MACROD2: variants seen among roughly 807,000 people sequenced by gnomAD.
MACROD2 encodes the protein mono-ADP ribosylhydrolase 2.
A neutral mutation model predicts 70.4 loss-of-function variants in MACROD2; 36 were observed. The observed-to-expected ratio is 0.51, with a 90% CI of 0.39 to 0.68. The LOEUF is 0.68. Ranked by LOEUF, MACROD2 falls within the 30% of genes least tolerant of loss-of-function variation. The pLI, the probability that MACROD2 is intolerant of heterozygous loss-of-function variation, is 0.00. For missense variants in MACROD2, 496 were observed against 538.4 expected (o/e 0.92, Z 0.78); for synonymous variants, 172 against 178.8 (o/e 0.96, Z 0.30).
intron 8 of MACROD2, among the ~76,000 whole-genome samples, chr20:15,744,923 CTT>C (rs1448081864): frequency 2.0e-5 from 3 of 147,096 alleles, no homozygotes; most frequent in South Asian, 2.1e-4. Context: ...AGTTGTATCT[CTT>C]TTTGAAGTGT....
chr20:15,366,838 C>T (rs994809898), intron 6 of MACROD2, among the ~76,000 whole-genome samples: 1 of 151,830 alleles, frequency 6.6e-6, no homozygotes, highest in Admixed American at 6.6e-5. Flanking sequence ...TGACATGAGC[C>T]ACCATGCCCA....
intron 6 of MACROD2, among the ~76,000 whole-genome samples, chr20:15,305,992 C>CTTA (rs1450364865): frequency 2.0e-5 from 3 of 152,174 alleles, no homozygotes; most frequent in African/African-American, 7.2e-5. Flanking sequence ...AGGACATTTT[C>CTTA]ATCTGCCTCA....
intron 3 of MACROD2, among the ~76,000 whole-genome samples, chr20:14,174,706 T>C (rs1007906438): frequency 6.6e-6 from 1 of 152,194 alleles, no homozygotes; most frequent in African/African-American, 2.4e-5. Flanking sequence ...GGAAGCTTTG[T>C]GTGCAGTTGA....
chr20:15,647,593 T>C (rs1431207395), intron 8 of MACROD2, among the ~76,000 whole-genome samples: 1 of 152,156 alleles, frequency 6.6e-6, no homozygotes, highest in African/African-American at 2.4e-5. Flanking sequence ...ATGTATAGCA[T>C]ACAAATGCAA....
chr20:14,673,199 C>T (rs1391504397), intron 4 of MACROD2, among the ~76,000 whole-genome samples: 3 of 152,120 alleles, frequency 2.0e-5, no homozygotes, highest in Non-Finnish European at 4.4e-5. Flanking sequence ...TGCGGAGGAG[C>T]GTGAGAGCAA....
At chr20:15,109,473 G>A (rs1005779070) in intron 5 of MACROD2, among the ~76,000 whole-genome samples, 6 of 152,250 alleles carry the variant, frequency 3.9e-5, no homozygotes, top group African/African-American at 1.4e-4. Flanking sequence ...TGTGGAAGAG[G>A]TAGGAAGCTA....
chr20:14,343,488 G>C (rs994193417), intron 3 of MACROD2, among the ~76,000 whole-genome samples: 2 of 152,186 alleles, frequency 1.3e-5, no homozygotes, highest in Non-Finnish European at 2.9e-5. Context: ...TACCAAGACT[G>C]AGTTGAAACC....
intron 4 of MACROD2, among the ~76,000 whole-genome samples, chr20:14,566,369 G>T (rs915087205): frequency 6.6e-5 from 10 of 151,850 alleles, no homozygotes; most frequent in African/African-American, 2.2e-4. Context: ...CTAGGCTTCT[G>T]TGTGTTATGA....
intron 3 of MACROD2, among the ~76,000 whole-genome samples, chr20:14,467,330 C>T (rs548070897): frequency 1.1e-4 from 17 of 152,110 alleles, no homozygotes; most frequent in South Asian, 4.1e-4. Flanking sequence ...TAGGACCCTC[C>T]GAGCCAGTTG....
intron 7 of MACROD2, among the ~76,000 whole-genome samples, chr20:15,453,805 C>A (rs112023139): frequency 2.0e-5 from 3 of 152,232 alleles, no homozygotes; most frequent in African/African-American, 7.2e-5. Context: ...GCCTACCCAG[C>A]AAGTGTCTGG....
chr20:15,104,367 C>G (rs1328560087), intron 5 of MACROD2, among the ~76,000 whole-genome samples: 1 of 152,124 alleles, frequency 6.6e-6, no homozygotes, highest in Non-Finnish European at 1.5e-5. Context: ...TGTTCAGAAT[C>G]CAACATATCA....
chr20:15,849,802 A>T (rs2064275978), intron 8 of MACROD2, among the ~76,000 whole-genome samples: 1 of 152,194 alleles, frequency 6.6e-6, no homozygotes. Flanking sequence ...AGGGGTCTGC[A>T]GCTGGATTGC....
chr20:15,600,017 G>C (rs2048797814), intron 8 of MACROD2, among the ~76,000 whole-genome samples: 1 of 151,768 alleles, frequency 6.6e-6, no homozygotes, highest in African/African-American at 2.4e-5. Flanking sequence ...AGAAAGAGTG[G>C]GTGAAGAAAA....
chr20:15,793,785 G>A (rs926085824), intron 8 of MACROD2, among the ~76,000 whole-genome samples: 6 of 146,136 alleles, frequency 4.1e-5, no homozygotes, highest in African/African-American at 1.5e-4. Flanking sequence ...AGAATATTGG[G>A]GATTTACATT....
intron 5 of MACROD2, among the ~76,000 whole-genome samples, chr20:14,775,418 G>A (rs2072221077): frequency 1.3e-5 from 2 of 152,060 alleles, no homozygotes; most frequent in South Asian, 4.1e-4. Context: ...TACAATCATG[G>A]CAGATGGGGA....
At chr20:15,557,035 A>G (rs566815389) in intron 8 of MACROD2, among the ~76,000 whole-genome samples, 53 of 152,310 alleles carry the variant, frequency 3.5e-4, no homozygotes, top group East Asian at 2.7e-3. Context: ...TCATACAGCC[A>G]TGGATTGATG....
chr20:14,312,368 T>C (rs2082575031), intron 3 of MACROD2, among the ~76,000 whole-genome samples: 1 of 152,224 alleles, frequency 6.6e-6, no homozygotes, highest in African/African-American at 2.4e-5. Flanking sequence ...ATTGAATTGA[T>C]AGTGTTCATT....
intron 3 of MACROD2, among the ~76,000 whole-genome samples, chr20:14,426,960 G>A (rs1483787505): frequency 6.6e-6 from 1 of 152,000 alleles, no homozygotes; most frequent in Non-Finnish European, 1.5e-5. Context: ...CTGCTTCTTA[G>A]ATATTTTTTC....
At chr20:14,741,216 A>C (rs2071728112) in intron 5 of MACROD2, among the ~76,000 whole-genome samples, 1 of 152,174 alleles carries the variant, frequency 6.6e-6, no homozygotes, top group African/African-American at 2.4e-5. Context: ...TGTATGTGCA[A>C]AATTATTACA....
Sources: gnomAD v4.1 joint callset for allele counts (sites outside exome capture counted in the v4.1 genomes callset) on GRCh38, gnomAD v4.1.1 for gene constraint, MANE v1.5 for transcripts, NCBI Gene and HGNC (gene_info 2026-07-23, HGNC 2026-07-21) for gene names.